The following DACH1 variants were observed in gnomAD, a reference collection of about 807,000 sequenced individuals.
DACH1 encodes the protein dachshund homolog 1.
DACH1 carries 12 observed loss-of-function variants against 54.2 expected under a neutral mutation model. That is an observed-to-expected ratio of 0.22 (90% CI 0.14 to 0.36). The LOEUF (loss-of-function observed/expected upper bound fraction) is 0.36, where lower values mean the gene tolerates loss of function less well. DACH1 is among the 10% of genes least tolerant of loss of function. The probability of loss-of-function intolerance (pLI) is 1.00; values close to 1 mark genes in which losing one functional copy is unlikely to be tolerated. For missense variants in DACH1, 805 were observed against 929.8 expected (o/e 0.87, Z 1.75); for synonymous variants, 386 against 366.2 (o/e 1.05, Z -0.62).
chr13:71,504,463 A>G (rs1402132986), intron 6 of DACH1, among the ~76,000 whole-genome samples: 1 of 152,166 alleles, frequency 6.6e-6, no homozygotes, highest in Non-Finnish European at 1.5e-5. Context: ...CATTCAAGGT[A>G]AAAGACATAG....
intron 2 of DACH1, among the ~76,000 whole-genome samples, chr13:71,632,411 C>T (rs1226709741): frequency 1.4e-5 from 2 of 142,960 alleles, no homozygotes; most frequent in African/African-American, 5.1e-5. Flanking sequence ...TCCCCAACCC[C>T]ACCCATTTTT....
At chr13:71,766,202 C>T (rs1264675902) in intron 1 of DACH1, among the ~76,000 whole-genome samples, 1 of 152,096 alleles carries the variant, frequency 6.6e-6, no homozygotes, top group Non-Finnish European at 1.5e-5. Context: ...AGATTATTTA[C>T]TATTTCCCCT....
At chr13:71,575,684 A>G (rs1390086748) in intron 3 of DACH1, among the ~76,000 whole-genome samples, 1 of 152,076 alleles carries the variant, frequency 6.6e-6, no homozygotes, top group Admixed American at 6.6e-5. Flanking sequence ...CCTTGTGCAC[A>G]GGTAAATATC....
intron 2 of DACH1, among the ~76,000 whole-genome samples, chr13:71,660,372 G>T (rs1400707870): frequency 6.6e-6 from 1 of 151,920 alleles, no homozygotes; most frequent in African/African-American, 2.4e-5. Flanking sequence ...TTCAGATCTG[G>T]CATATAAAAT....
intron 1 of DACH1, among the ~76,000 whole-genome samples, chr13:71,778,253 T>C (rs1246649272): frequency 2.6e-5 from 4 of 152,106 alleles, no homozygotes; most frequent in Non-Finnish European, 5.9e-5. Context: ...GTCGGTGATA[T>C]TCAGAATCAG....
At chr13:71,492,240 C>T (rs150716372) in intron 6 of DACH1, among the ~76,000 whole-genome samples, 17 of 152,076 alleles carry the variant, frequency 1.1e-4, no homozygotes, top group South Asian at 6.2e-4. Flanking sequence ...TGACATGTAA[C>T]GACAAGTAAT....
At chr13:71,695,350 A>G (rs1240998986) in intron 1 of DACH1, among the ~76,000 whole-genome samples, 1 of 152,208 alleles carries the variant, frequency 6.6e-6, no homozygotes, top group Non-Finnish European at 1.5e-5. Context: ...CCATGGCAGA[A>G]ACAAGGCAGC....
At chr13:71,796,077 C>A (rs1214477038) in intron 1 of DACH1, among the ~76,000 whole-genome samples, 1 of 152,112 alleles carries the variant, frequency 6.6e-6, no homozygotes, top group Non-Finnish European at 1.5e-5. Context: ...TATTACTGAA[C>A]ATGCTTCTTT....
In DACH1 at chr13:71,440,554, A is replaced by G. The variant is rs1156914544; in HGVS notation, c.*101T>C. ...GAACATTAATACACAAAATTCAGGAAGTTCCCTTAAAAGGACTTTATTTTT... is the reference window on the plus strand; with the variant it reads ...GAACATTAATACACAAAATTCAGGAGGTTCCCTTAAAAGGACTTTATTTTT... On this transcript the variant is annotated 3_prime_UTR_variant, in exon 11 of 11. Coordinates refer to ENST00000613252, the MANE Select transcript of DACH1 (RefSeq NM_080759.6). 4.5e-6 allele frequency: 4 copies of G among 891,040 alleles called. No individual in the cohort carries two copies. The highest frequency in any genetic ancestry group is 7.0e-6 in the Non-Finnish European group (4 of 567,668). The allele number at this position is 891,040 out of a possible 1,614,324, so 55.2% of individuals were successfully genotyped here.
intron 10 of DACH1, among the ~76,000 whole-genome samples, chr13:71,457,394 A>T (rs1465584797): frequency 6.6e-6 from 1 of 152,024 alleles, no homozygotes; most frequent in Middle Eastern, 3.2e-3. Context: ...ATTATCTAAC[A>T]TAACACTATG....
chr13:71,457,994 T>C (rs1314480172), intron 10 of DACH1, among the ~76,000 whole-genome samples: 1 of 152,070 alleles, frequency 6.6e-6, no homozygotes, highest in East Asian at 1.9e-4. Context: ...ACACAGCCAT[T>C]TGGCTTTTGC....
chr13:71,644,279 A>G (rs1462502565), intron 2 of DACH1, among the ~76,000 whole-genome samples: 2 of 152,248 alleles, frequency 1.3e-5, no homozygotes, highest in Admixed American at 6.5e-5. Flanking sequence ...TAATTGATAT[A>G]CAATTAAAAT....
intron 1 of DACH1, among the ~76,000 whole-genome samples, chr13:71,685,707 A>C (rs1184315224): frequency 6.6e-6 from 1 of 152,154 alleles, no homozygotes; most frequent in Non-Finnish European, 1.5e-5. Flanking sequence ...TGAATATTTA[A>C]ATTTCTTTCA....
chr13:71,604,152 A>C (rs909977021), intron 3 of DACH1, among the ~76,000 whole-genome samples: 4 of 151,922 alleles, frequency 2.6e-5, no homozygotes, highest in Non-Finnish European at 5.9e-5. Context: ...TATAAAAATC[A>C]CTTCATGTAA....
At chr13:71,551,215 A>C (rs887363690) in intron 6 of DACH1, among the ~76,000 whole-genome samples, 2 of 152,108 alleles carry the variant, frequency 1.3e-5, no homozygotes, top group African/African-American at 4.8e-5. Context: ...TTGGGAGTAC[A>C]TGCGATAGTT....
At chr13:71,509,442 C>G (rs1880589142) in intron 6 of DACH1, among the ~76,000 whole-genome samples, 1 of 151,956 alleles carries the variant, frequency 6.6e-6, no homozygotes, top group Non-Finnish European at 1.5e-5. Flanking sequence ...GTGAATACAA[C>G]TAGTGTGAGA....
At chr13:71,749,169 A>T (rs1157021759) in intron 1 of DACH1, among the ~76,000 whole-genome samples, 1 of 151,642 alleles carries the variant, frequency 6.6e-6, no homozygotes, top group East Asian at 1.9e-4. Flanking sequence ...TTTTCAGTAG[A>T]GATGGGGTTT....
At chr13:71,824,888 T>C (rs1377839542) in intron 1 of DACH1, among the ~76,000 whole-genome samples, 1 of 152,054 alleles carries the variant, frequency 6.6e-6, no homozygotes, top group Non-Finnish European at 1.5e-5. Context: ...ATTTATACAT[T>C]TCATAAACAT....
intron 3 of DACH1, among the ~76,000 whole-genome samples, chr13:71,581,426 T>C (rs1044159720): frequency 6.6e-6 from 1 of 152,094 alleles, no homozygotes; most frequent in Non-Finnish European, 1.5e-5. Flanking sequence ...CATGCCCAGC[T>C]AATTTTTGCA....
Sources: allele counts gnomAD v4.1 joint callset (sites outside exome capture counted in the v4.1 genomes callset), GRCh38; gene constraint gnomAD v4.1.1; transcripts MANE v1.5; gene names NCBI Gene and HGNC (gene_info 2026-07-23, HGNC 2026-07-21).